The following SNX4 variants were observed in gnomAD, a reference collection of about 807,000 sequenced individuals.
The protein encoded by SNX4 is sorting nexin-4.
Under a neutral mutation model 70.8 loss-of-function variants are expected in SNX4, and 49 were observed. The observed-to-expected ratio is 0.69, with a 90% CI of 0.55 to 0.88. The LOEUF (loss-of-function observed/expected upper bound fraction) is 0.88. Ranked by LOEUF, SNX4 falls within the 40% of genes least tolerant of loss-of-function variation. The probability of loss-of-function intolerance (pLI) is 0.00; values close to 1 mark genes in which losing one functional copy is unlikely to be tolerated. For synonymous variants in SNX4, 206 were observed against 183.8 expected, an observed-to-expected ratio of 1.12 and a Z score of -0.98; for missense variants, 528 against 544.8, an observed-to-expected ratio of 0.97 and a Z score of 0.31.
At chr3:125,464,675 G>A (rs922460968) in intron 9 of SNX4, among the ~76,000 whole-genome samples, 2 of 143,278 alleles carry the variant, frequency 1.4e-5, no homozygotes, top group Non-Finnish European at 3.0e-5. Flanking sequence ...GGGCTCAAGT[G>A]ATCATCCCAC....
intron 11 of SNX4, 94 bp from the exon 12 acceptor site, chr3:125,454,049 A>T: frequency 1.0e-6 from 1 of 987,978 alleles, no homozygotes; most frequent in South Asian, 1.6e-5. Flanking sequence ...AAAGGAATCA[A>T]ATCTGATATA....
chr3:125,459,599 G>A (rs1381233344), intron 10 of SNX4, among the ~76,000 whole-genome samples: 1 of 152,008 alleles, frequency 6.6e-6, no homozygotes, highest in Non-Finnish European at 1.5e-5. Flanking sequence ...ACTATGCCTG[G>A]CTAACTTTTT....
intron 1 of SNX4, among the ~76,000 whole-genome samples, chr3:125,506,817 T>TAA (rs71148182): frequency 8.9e-4 from 24 of 26,828 alleles, no homozygotes; most frequent in Non-Finnish European, 1.1e-3. Flanking sequence ...GTGGAGAAAG[T>TAA]AAAAAAAAAA....
rs941296254 is a variant in SNX4 at position 125,447,702 on chromosome 3, A to G, written c.*77T>C. 8.4e-6 allele frequency: 8 copies of G among 947,738 alleles called. No homozygotes were observed. The highest frequency in any genetic ancestry group is 1.2e-5 in the Non-Finnish European group (7 of 605,620). The allele number at this position is 947,738 out of a possible 1,614,324, so 58.7% of individuals were successfully genotyped here. A position where few individuals can be genotyped will look rare whatever the true frequency, so the allele number is the denominator to read the frequency against. On this transcript the variant is annotated 3_prime_UTR_variant, in exon 14 of 14. Transcript: ENST00000251775. ...TTGTATATGTTTATGTATACTAGGT[A>G]GTGACTTAAATTTCTTTTATTTACT...
intron 5 of SNX4, among the ~76,000 whole-genome samples, chr3:125,493,999 T>C (rs1040880272): frequency 5.5e-5 from 8 of 145,170 alleles, no homozygotes; most frequent in African/African-American, 2.1e-4. Context: ...ATTGCACCAC[T>C]GCACTCCAGC....
In SNX4 at chr3:125,520,151, G is replaced by A. The variant is rs1273031570; in HGVS notation, c.22C>T (p.Pro8Ser). The change falls in exon 1 of 14, where the codon CCC becomes TCC. Residue 8 changes from proline (P) to serine (S), a missense_variant. Pro to Ser is a moderately conservative substitution (Grantham distance 74). Coordinates refer to ENST00000251775, the MANE Select transcript of SNX4 (RefSeq NM_003794.4). ...GGCGCCGGCTGGAGCTGCCGCTCGG[G>A]GTCCGGAGGTGCCTGCTCCATGGCT... MEQAPPD[P>S]ERQLQPAPLE... 7.0e-6 allele frequency: 10 copies of A among 1,432,648 alleles called. No individual in the cohort carries two copies. The South Asian group carries it at 1.2e-4, about 17-fold the overall frequency. The allele number at this position is 1,432,648 out of a possible 1,614,324, so 88.7% of individuals were successfully genotyped here.
rs774487218 is a variant in SNX4 at position 125,480,308 on chromosome 3, T to C, written c.665A>G (p.Asp222Gly). Residue 222 changes from aspartate (D) to glycine (G), a missense_variant, in exon 7 of 14, where the codon GAC (aspartate) becomes GGC (glycine). Physicochemically the swap from Asp to Gly is moderately conservative, Grantham distance 94 (BLOSUM62 -1). Around this residue, in one of 3 missense-constraint regions of SNX4, gnomAD observed 341 missense variants for 312.2 expected, o/e 1.09. Transcript: ENST00000251775. ...RVKNPDKRFT[D>G]LKHYSDELQS... Reference sequence around the variant, plus strand: ...CAGTTCATCACTATAGTGCTTAAGGTCAGTAAATCTCCTGAAACAGGAAAC... The same window carrying C: ...CAGTTCATCACTATAGTGCTTAAGGCCAGTAAATCTCCTGAAACAGGAAAC... 49 of 1,522,448 alleles carry C rather than the reference T, an allele frequency of 3.2e-5. No individual in the cohort carries two copies. Among genetic ancestry groups the C allele is most frequent in the Non-Finnish European group, 4.3e-5 (49 of 1,128,608 alleles). The allele number at this position is 1,522,448 out of a possible 1,614,324, so 94.3% of individuals were successfully genotyped here.
chr3:125,469,911 T>A (rs1463916323), intron 8 of SNX4, among the ~76,000 whole-genome samples: 1 of 152,216 alleles, frequency 6.6e-6, no homozygotes, highest in Non-Finnish European at 1.5e-5. Context: ...AAATACTCCA[T>A]GTACGGCTCT....
At chr3:125,507,191 G>GGAA (rs1935065919) in intron 1 of SNX4, among the ~76,000 whole-genome samples, 1 of 90,822 alleles carries the variant, frequency 1.1e-5, no homozygotes, top group African/African-American at 4.1e-5. Context: ...CTGGGTGATA[G>GGAA]AAAAAAAAAA....
chr3:125,501,099 TAATTA>T (rs1934922705), intron 2 of SNX4, among the ~76,000 whole-genome samples: 1 of 152,070 alleles, frequency 6.6e-6, no homozygotes, highest in Admixed American at 6.5e-5. Flanking sequence ...CAATACTACA[TAATTA>T]AATTAAGAAA....
chr3:125,453,095 C>T (rs932959979), intron 12 of SNX4, among the ~76,000 whole-genome samples: 2 of 152,176 alleles, frequency 1.3e-5, no homozygotes, highest in African/African-American at 4.8e-5. Flanking sequence ...TCTCTGAGAA[C>T]TGAATTTCTA....
chr3:125,480,761 A>G (rs1934393459), intron 6 of SNX4, among the ~76,000 whole-genome samples: 1 of 152,162 alleles, frequency 6.6e-6, no homozygotes, highest in Non-Finnish European at 1.5e-5. Context: ...ACCATCTGTC[A>G]TTCTCCAAAC....
chr3:125,468,100 G>T (rs1379989954), intron 9 of SNX4, among the ~76,000 whole-genome samples: 1 of 152,208 alleles, frequency 6.6e-6, no homozygotes, highest in Non-Finnish European at 1.5e-5. Context: ...CAGCAACATG[G>T]ATGCAGCTGG....
At chr3:125,477,579 A>G (rs906486302) in intron 7 of SNX4, among the ~76,000 whole-genome samples, 7 of 152,264 alleles carry the variant, frequency 4.6e-5, no homozygotes, top group African/African-American at 1.7e-4. Context: ...AGGATAAATT[A>G]GCTCCCTGAT....
chr3:125,454,024 A>G, intron 11 of SNX4, 69 bp from the exon 12 acceptor site: 3 of 1,330,898 alleles, frequency 2.3e-6, no homozygotes, highest in Non-Finnish European at 3.2e-6. Flanking sequence ...ACAATGGAAC[A>G]TTATTCAGCC....
At chr3:125,513,984 A>G (rs1553729612) in intron 1 of SNX4, among the ~76,000 whole-genome samples, 1 of 152,110 alleles carries the variant, frequency 6.6e-6, no homozygotes, top group Non-Finnish European at 1.5e-5. Flanking sequence ...GTTCACAGAC[A>G]GCTGTGTTTC....
At chr3:125,504,799 G>GA in intron 1 of SNX4, 55 bp from the exon 2 acceptor site, 4 of 1,564,678 alleles carry the variant, frequency 2.6e-6, no homozygotes, top group Non-Finnish European at 3.5e-6. Context: ...AGATGGTACT[G>GA]AAAAAAGCCT....
intron 1 of SNX4, among the ~76,000 whole-genome samples, chr3:125,509,478 A>G (rs1047341882): frequency 6.6e-6 from 1 of 151,026 alleles, no homozygotes; most frequent in African/African-American, 2.4e-5. Flanking sequence ...TGGGCTGGGC[A>G]TGGTGGCTCA....
intron 6 of SNX4, among the ~76,000 whole-genome samples, chr3:125,487,990 T>G (rs1934568066): frequency 6.6e-6 from 1 of 151,888 alleles, no homozygotes; most frequent in South Asian, 2.1e-4. Flanking sequence ...GCTGTTTCAA[T>G]GTAGGTTCAT....
Sources: gnomAD v4.1 joint callset for allele counts (sites outside exome capture counted in the v4.1 genomes callset) on GRCh38, gnomAD v4.1.1 for gene constraint, gnomAD v4.1.1 regional missense constraint, MANE v1.5 for transcripts, NCBI Gene and HGNC (gene_info 2026-07-23, HGNC 2026-07-21) for gene names.